Variants in CSMD1 observed in about 807,000 individuals in gnomAD.
CSMD1 encodes CUB and sushi domain-containing protein 1.
A neutral mutation model predicts 417.5 loss-of-function variants in CSMD1; 213 were observed. That is an observed-to-expected ratio of 0.51 (90% CI 0.46 to 0.57). CSMD1 has a LOEUF of 0.57. Ranked by LOEUF, CSMD1 falls within the 20% of genes least tolerant of loss-of-function variation. The probability of loss-of-function intolerance (pLI) is 0.00; values close to 1 mark genes in which losing one functional copy is unlikely to be tolerated. For missense variants in CSMD1, 6,923 were observed against 4,529.7 expected, an observed-to-expected ratio of 1.53 and a Z score of -15.17; for synonymous variants, 2,862 against 1,736.8, an observed-to-expected ratio of 1.65 and a Z score of -16.11.
At chr8:3,605,119 C>G (rs192045881) in intron 8 of CSMD1, among the ~76,000 whole-genome samples, 2 of 152,138 alleles carry the variant, frequency 1.3e-5, no homozygotes, top group African/African-American at 2.4e-5. Flanking sequence ...CTCAGCCTCC[C>G]GAGTAGCTGG....
chr8:3,238,160 AG>A (rs1563172285), intron 26 of CSMD1, among the ~76,000 whole-genome samples: 7 of 151,682 alleles, frequency 4.6e-5, no homozygotes, highest in Non-Finnish European at 1.0e-4. Flanking sequence ...TTACAGTCAA[AG>A]GGGGGTTGTT....
At chr8:3,517,802 C>A (rs1231336244) in intron 10 of CSMD1, among the ~76,000 whole-genome samples, 1 of 152,096 alleles carries the variant, frequency 6.6e-6, no homozygotes, top group Non-Finnish European at 1.5e-5. Context: ...GAGCAGAATT[C>A]CCTTTTAGTC....
intron 26 of CSMD1, among the ~76,000 whole-genome samples, chr8:3,245,034 G>A (rs925863271): frequency 2.0e-5 from 3 of 152,202 alleles, no homozygotes; most frequent in Non-Finnish European, 2.9e-5. Context: ...AAGGACAGGA[G>A]GGTATTTTAG....
intron 46 of CSMD1, among the ~76,000 whole-genome samples, chr8:3,100,957 G>C (rs1441844384): frequency 6.6e-6 from 1 of 151,994 alleles, no homozygotes; most frequent in Non-Finnish European, 1.5e-5. Context: ...GCTGGAGCTG[G>C]GCAGCGGCGG....
At chr8:3,004,216 T>G (rs1807676161) in intron 52 of CSMD1, among the ~76,000 whole-genome samples, 1 of 152,210 alleles carries the variant, frequency 6.6e-6, no homozygotes, top group Admixed American at 6.5e-5. Flanking sequence ...GCCCAGAGGC[T>G]GTGATTTGTC....
chr8:3,874,479 C>T (rs1351403776), intron 5 of CSMD1, among the ~76,000 whole-genome samples: 1 of 152,184 alleles, frequency 6.6e-6, no homozygotes, highest in African/African-American at 2.4e-5. Context: ...TGAACTTTTA[C>T]AGACTTCTTT....
At chr8:4,310,275 T>A (rs867786012) in intron 3 of CSMD1, among the ~76,000 whole-genome samples, 9 of 152,186 alleles carry the variant, frequency 5.9e-5, no homozygotes, top group African/African-American at 2.2e-4. Context: ...ACTGTTATCA[T>A]GGCTGCTTAG....
chr8:3,655,822 A>T (rs1376027354), intron 7 of CSMD1, among the ~76,000 whole-genome samples: 2 of 152,156 alleles, frequency 1.3e-5, no homozygotes, highest in Admixed American at 6.5e-5. Flanking sequence ...CAATATTTTC[A>T]GGACTGATGC....
chr8:3,074,604 T>C (rs970436292), intron 49 of CSMD1, among the ~76,000 whole-genome samples: 1 of 152,222 alleles, frequency 6.6e-6, no homozygotes, highest in Non-Finnish European at 1.5e-5. Context: ...TTTCAAGAAA[T>C]TGTATCCTGT....
chr8:3,414,590 T>C (rs1435106173), intron 12 of CSMD1, among the ~76,000 whole-genome samples: 3 of 152,180 alleles, frequency 2.0e-5, no homozygotes, highest in African/African-American at 7.2e-5. Flanking sequence ...GTGCTAAGGA[T>C]AACCGTACCT....
At chr8:3,659,702 G>C (rs1178318912) in intron 7 of CSMD1, among the ~76,000 whole-genome samples, 2 of 151,916 alleles carry the variant, frequency 1.3e-5, no homozygotes, top group South Asian at 2.1e-4. Flanking sequence ...TTCCAAACAA[G>C]CTCAAATCAG....
At chr8:3,476,549 G>T (rs1003219750) in intron 11 of CSMD1, among the ~76,000 whole-genome samples, 2 of 152,012 alleles carry the variant, frequency 1.3e-5, no homozygotes, top group African/African-American at 4.8e-5. Flanking sequence ...TGGCTTTTCC[G>T]CTTGCAATCT....
At chr8:4,421,905 G>T (rs1036964720) in intron 2 of CSMD1, among the ~76,000 whole-genome samples, 1 of 151,916 alleles carries the variant, frequency 6.6e-6, no homozygotes, top group Admixed American at 6.6e-5. Context: ...AATTGAAAAA[G>T]ACTGACTAAA....
intron 3 of CSMD1, among the ~76,000 whole-genome samples, chr8:4,042,820 A>T (rs1438330796): frequency 1.5e-5 from 1 of 67,766 alleles, no homozygotes; most frequent in East Asian, 4.9e-4. Context: ...CATATTAAAA[A>T]AAAAAAAAAA....
chr8:4,579,631 A>C (rs1799320586), intron 2 of CSMD1, among the ~76,000 whole-genome samples: 1 of 152,014 alleles, frequency 6.6e-6, no homozygotes, highest in South Asian at 2.1e-4. Context: ...CAAAGTTCTG[A>C]TATTACAGGT....
chr8:4,921,111 A>C (rs916963892), intron 1 of CSMD1, among the ~76,000 whole-genome samples: 2 of 151,598 alleles, frequency 1.3e-5, no homozygotes, highest in African/African-American at 4.8e-5. Context: ...GAAGAAAGAA[A>C]GAAAGAAAAG....
At chr8:4,076,370 C>T (rs1200984468) in intron 3 of CSMD1, among the ~76,000 whole-genome samples, 1 of 152,110 alleles carries the variant, frequency 6.6e-6, no homozygotes, top group African/African-American at 2.4e-5. Context: ...TAAAAGTTAC[C>T]CTGTCTGAGG....
chr8:4,173,872 G>T (rs1485159840), intron 3 of CSMD1, among the ~76,000 whole-genome samples: 1 of 152,142 alleles, frequency 6.6e-6, no homozygotes, highest in South Asian at 2.1e-4. Context: ...TTCTCTCCGG[G>T]TTTGAAGTGG....
chr8:4,807,188 A>G (rs1798638570), intron 1 of CSMD1, among the ~76,000 whole-genome samples: 1 of 152,150 alleles, frequency 6.6e-6, no homozygotes, highest in African/African-American at 2.4e-5. Flanking sequence ...ATTGTACCCA[A>G]CTTTTCATTC....
Sources: allele counts gnomAD v4.1 joint callset (sites outside exome capture counted in the v4.1 genomes callset), GRCh38; gene constraint gnomAD v4.1.1; transcripts MANE v1.5; gene names NCBI Gene and HGNC (gene_info 2026-07-23, HGNC 2026-07-21).